KIF3A: variants seen among roughly 807,000 people sequenced by gnomAD.
KIF3A encodes the protein kinesin family member 3A.
A neutral mutation model predicts 92.6 loss-of-function variants in KIF3A; 27 were observed. That is an observed-to-expected ratio of 0.29 (90% confidence interval 0.21 to 0.40). The LOEUF (loss-of-function observed/expected upper bound fraction) is 0.40. KIF3A is among the 10% of genes least tolerant of loss of function. The pLI is 1.00. For missense variants in KIF3A, 581 were observed against 872.6 expected (o/e 0.67, Z 4.21); for synonymous variants, 250 against 275.4 (o/e 0.91, Z 0.92).
At chr5:132,711,113 T>C (rs1753408704) in intron 8 of KIF3A, 56 bp from the exon 9 acceptor site, 1 of 1,506,406 alleles carries the variant, frequency 6.6e-7, no homozygotes, top group African/African-American at 1.4e-5. Context: ...ATTAGCTATT[T>C]AGGAAATACC....
intron 2 of KIF3A, among the ~76,000 whole-genome samples, chr5:132,733,837 A>G (rs1340791093): frequency 6.6e-6 from 1 of 152,280 alleles, no homozygotes; most frequent in Non-Finnish European, 1.5e-5. Context: ...CAATATTGTC[A>G]GAATGACAAT....
chr5:132,734,485 G>A lies in KIF3A; in HGVS notation c.7-7C>T, dbSNP rs1388132180. The A allele has an allele frequency of 1.3e-6, 2 of 1,583,268 alleles. No individual in the cohort carries two copies. Among genetic ancestry groups the A allele is most frequent in the Admixed American group, 3.8e-5 (2 of 52,190 alleles). On this transcript the variant is annotated splice_region_variant and splice_polypyrimidine_tract_variant and intron_variant, in intron 1 of 18. Transcript: ENST00000403231. ...GCTTCTCTGATTTATTGATCTGTTG[G>A]AGATAATATTTACAAATAATGAAAA...
At chr5:132,700,808 C>A in intron 15 of KIF3A, 108 bp from the exon 16 acceptor site, 1 of 662,496 alleles carries the variant, frequency 1.5e-6, no homozygotes, top group Non-Finnish European at 2.7e-6. Context: ...AGTCTCAAAA[C>A]ATTATATACT....
At chr5:132,715,346 G>A (rs1270238274) in intron 8 of KIF3A, among the ~76,000 whole-genome samples, 5 of 152,130 alleles carry the variant, frequency 3.3e-5, no homozygotes, top group Non-Finnish European at 7.4e-5. Context: ...TAGCAAACTT[G>A]GTTTACTCAT....
chr5:132,699,276 G>C lies in KIF3A; in HGVS notation c.2027C>G (p.Ser676Cys). The C allele has an allele frequency of 6.2e-7, 1 of 1,613,826 alleles. No individual in the cohort carries two copies. Among genetic ancestry groups the C allele is most frequent in the African/African-American group, 1.3e-5 (1 of 75,030 alleles). Residue 676 changes from serine (S) to cysteine (C), a missense_variant, in exon 18 of 19, where the codon TCT becomes TGT. Ser to Cys is a moderately radical substitution (Grantham distance 112). Around this residue, in one of 5 missense-constraint regions of KIF3A, gnomAD observed 112 missense variants for 144.3 expected, o/e 0.78. Coordinates refer to ENST00000403231, the MANE Select transcript of KIF3A (RefSeq NM_001300791.2). ...KEKDPFEVDL[S>C]HVYLAYTEES... ...CTCAGTATAGGCAAGATACACGTGAGAAAGGTCCACCTCAAAGGGCTAAGT... is the reference window on the plus strand; with the variant it reads ...CTCAGTATAGGCAAGATACACGTGACAAAGGTCCACCTCAAAGGGCTAAGT...
rs769914261 is a variant in KIF3A, at chr5:132,734,475, T to G, written c.10A>C (p.Asn4His). The G allele has an allele frequency of 1.9e-6, 3 of 1,609,162 alleles. No homozygotes were observed. Among genetic ancestry groups the G allele is most frequent in the Non-Finnish European group, 2.5e-6 (3 of 1,178,178 alleles). MPINKSEKPESCDN... is the reference protein window; with the variant it reads MPIHKSEKPESCDN... ...CAGCTTTCTGGCTTCTCTGATTTAT[T>G]GATCTGTTGGAGATAATATTTACAA... is the stretch of plus-strand genomic sequence containing the variant. Residue 4 changes from asparagine (N) to histidine (H), a missense_variant, in exon 2 of 19, where the codon AAT becomes CAT. By Grantham distance (68) the Asn-to-His change is moderately conservative (BLOSUM62 1). This residue lies in a region of KIF3A where 217 missense variants were observed against 299.7 expected (regional missense o/e 0.72). Coordinates refer to ENST00000403231, the MANE Select transcript of KIF3A (RefSeq NM_001300791.2).
At chr5:132,730,337 G>A (rs567928151) in intron 2 of KIF3A, among the ~76,000 whole-genome samples, 1 of 152,196 alleles carries the variant, frequency 6.6e-6, no homozygotes, top group African/African-American at 2.4e-5. Flanking sequence ...ATGGTGGCGT[G>A]TGCCTGTAAT....
At chr5:132,699,560 CTTT>C (rs763198565) in intron 17 of KIF3A, 383 of 419,360 alleles carry the variant, frequency 9.1e-4, no homozygotes, top group Middle Eastern at 1.5e-3. Flanking sequence ...TCTTCTTCTT[CTTT>C]TTTTTTTTTT....
Position 132,702,289 on chromosome 5 carries a change from T to G in KIF3A, c.1759-77A>C, listed in dbSNP as rs1235729746. 4 of 1,441,526 alleles carry G rather than the reference T, an allele frequency of 2.8e-6. No homozygotes were observed. In the African/African-American group the frequency reaches 5.7e-5, roughly 21 times the overall value. The allele number at this position is 1,441,526 out of a possible 1,614,324, so 89.3% of individuals were successfully genotyped here. ...AACAGCACCATCTCACATAGGATGCTTGTCTAAGAAACCTTGTGAGAGCTT... is the reference window on the plus strand; with the variant it reads ...AACAGCACCATCTCACATAGGATGCGTGTCTAAGAAACCTTGTGAGAGCTT... On this transcript the variant is annotated intron_variant, in intron 14 of 18. Transcript: ENST00000403231.
intron 8 of KIF3A, among the ~76,000 whole-genome samples, chr5:132,713,683 A>G (rs1308583768): frequency 6.6e-6 from 1 of 152,152 alleles, no homozygotes; most frequent in Non-Finnish European, 1.5e-5. Flanking sequence ...CGTTCATAGC[A>G]GCATTATTCA....
Position 132,713,168 on chromosome 5 carries a change from AAACAACAAC to A in KIF3A, c.1130-2120_1130-2112del, listed in dbSNP as rs139928256. ...GAGACTCTGTCTCAAAACAAAAAACAAACAACAACAACAACAACAACAACAAAACAAAGA... is the reference window on the plus strand; with the variant it reads ...GAGACTCTGTCTCAAAACAAAAAACAAACAACAACAACAACAAAACAAAGA... On this transcript the variant is annotated intron_variant, in intron 8 of 18. Transcript: ENST00000403231. 5.9e-5 allele frequency among the ~76,000 whole-genome samples: 9 copies of A among 151,914 alleles called. No individual in the cohort carries two copies. The South Asian group carries it at 1.2e-3, about 21-fold the overall frequency.
At position 132,717,000 on chromosome 5, in the gene KIF3A, G is replaced by C. The variant is rs779358025; in HGVS notation, c.617-16C>G. On this transcript the variant is annotated splice_polypyrimidine_tract_variant and intron_variant, in intron 5 of 18. Transcript: ENST00000403231. ...CCAACAGAACCTTTAATAAATAAAC[G>C]AAATCCTTTAAAAGTGTAACAGAGA... 6.2e-7 allele frequency: 1 copy of C among 1,610,384 alleles called. No individual in the cohort carries two copies. The highest frequency in any genetic ancestry group is 8.5e-7 in the Non-Finnish European group (1 of 1,177,940).
chr5:132,724,271 A>G (rs548328054), intron 4 of KIF3A, among the ~76,000 whole-genome samples: 1 of 152,298 alleles, frequency 6.6e-6, no homozygotes, highest in East Asian at 1.9e-4. Flanking sequence ...TAGAAATACC[A>G]TTTGACCCAG....
At chr5:132,724,809 A>AT (rs1753967678) in intron 4 of KIF3A, among the ~76,000 whole-genome samples, 4 of 10,520 alleles carry the variant, frequency 3.8e-4, no homozygotes, top group African/African-American at 1.2e-3. Context: ...AAAAAAAAAT[A>AT]TATATATATA....
Position 132,702,994 on chromosome 5 carries a change from A to T in KIF3A, c.1538T>A (p.Leu513Ter). 6.2e-7 allele frequency: 1 copy of T among 1,612,350 alleles called. No homozygotes were observed. Among genetic ancestry groups the T allele is most frequent in the Non-Finnish European group, 8.5e-7 (1 of 1,179,578 alleles). The change falls in exon 13 of 19, where the codon TTG becomes TAG. Residue 513 changes from leucine to a stop codon, truncating the protein, a stop_gained. Transcript: ENST00000403231. LOFTEE classifies it high-confidence loss of function. Reference sequence around the variant, plus strand: ...CTCTTGTTCCTCAGCTTTGGCCAACAAGTCAACCCCACCAACAATTACCTT... The same window carrying T: ...CTCTTGTTCCTCAGCTTTGGCCAACTAGTCAACCCCACCAACAATTACCTT... ...EKKVIVGGVDLLAKAEEQEKL... is the reference protein window; with the variant it reads ...EKKVIVGGVD
chr5:132,689,459 A>G (rs755810393), downstream of KIF3A: 3 of 152,256 alleles, frequency 2.0e-5, no homozygotes, highest in Non-Finnish European at 2.9e-5. Context: ...AAATAAGACT[A>G]TAAGCAGGTC....
At chr5:132,728,308 T>C (rs1198691692) in intron 2 of KIF3A, among the ~76,000 whole-genome samples, 1 of 152,098 alleles carries the variant, frequency 6.6e-6, no homozygotes, top group South Asian at 2.1e-4. Flanking sequence ...CTCAGGAGAA[T>C]CCTCCTGCCT....
intron 11 of KIF3A, among the ~76,000 whole-genome samples, chr5:132,704,633 A>G (rs1753149005): frequency 6.6e-6 from 1 of 151,948 alleles, no homozygotes; most frequent in Non-Finnish European, 1.5e-5. Flanking sequence ...ACAGTTTCTT[A>G]GAAACATACA....
chr5:132,692,502 G>A (rs1251393683), downstream of KIF3A: 1 of 152,280 alleles, frequency 6.6e-6, no homozygotes, highest in African/African-American at 2.4e-5. Context: ...GCGTTTCTGG[G>A]TGTGAAACTA....
Sources: gnomAD v4.1 joint callset for allele counts (sites outside exome capture counted in the v4.1 genomes callset) on GRCh38, gnomAD v4.1.1 for gene constraint, gnomAD v4.1.1 regional missense constraint, MANE v1.5 for transcripts, NCBI Gene and HGNC (gene_info 2026-07-23, HGNC 2026-07-21) for gene names.